TMEM140: variants seen among roughly 807,000 people sequenced by gnomAD.
The protein encoded by TMEM140 is transmembrane protein 140.
For synonymous variants in TMEM140, 107 were observed against 106.8 expected (o/e 1.00, Z -0.01); for missense variants, 236 against 228.5 (o/e 1.03, Z -0.21).
chr7:135,159,177 G>A lies in TMEM140; in HGVS notation c.-24-5241G>A, dbSNP rs921706712. Among the ~76,000 whole-genome samples the A allele has an allele frequency of 1.6e-4, 25 of 152,162 alleles. 1 individual carries two copies. Among genetic ancestry groups the A allele is most frequent in the African/African-American group, 3.9e-4 (16 of 41,430 alleles). On this transcript the variant is annotated intron_variant, in intron 1 of 1. Coordinates refer to ENST00000275767, the MANE Select transcript of TMEM140 (RefSeq NM_018295.5). ...TCTCATGTTTCCCATATCTTTTCTG[G>A]TTTATCCTAGCATTCTCTCCTAGAC...
chr7:135,150,970 G>C (rs908723453), intron 1 of TMEM140, among the ~76,000 whole-genome samples: 1 of 152,148 alleles, frequency 6.6e-6, no homozygotes, highest in African/African-American at 2.4e-5. Context: ...CTGCTAGTGA[G>C]AGCTAATAGT....
chr7:135,153,506 G>A (rs140576532), intron 1 of TMEM140, among the ~76,000 whole-genome samples: 110 of 150,658 alleles, frequency 7.3e-4, no homozygotes, highest in African/African-American at 2.2e-3. Flanking sequence ...AGCAGATGTC[G>A]TCAAGGATGT....
At position 135,161,413 on chromosome 7, in the gene TMEM140, A is replaced by G. The variant is rs1829934624; in HGVS notation, c.-24-3005A>G. On this transcript the variant is annotated intron_variant, in intron 1 of 1. Transcript: ENST00000275767. The surrounding 1 kb of genome is among the most constrained non-coding windows in gnomAD (Gnocchi z 4.1). ...GAGTGTTTAAACAAAGGCATCCCCA[A>G]GTCCCTTCCCAGTTGGTCCTGAACA... Among the ~76,000 whole-genome samples the G allele has an allele frequency of 6.6e-6, 1 of 152,214 alleles. No homozygotes were observed. Among genetic ancestry groups the G allele is most frequent in the South Asian group, 2.1e-4 (1 of 4,830 alleles).
rs1482504471 is a variant in TMEM140, at chr7:135,151,170, A to G, written c.-25+2900A>G. ...ATAATTAAGTAAATCAAAACATCACAGCATTCATTAAAAACTTGGTGGTTG... is the reference window on the plus strand; with the variant it reads ...ATAATTAAGTAAATCAAAACATCACGGCATTCATTAAAAACTTGGTGGTTG... On this transcript the variant is annotated intron_variant, in intron 1 of 1. Transcript: ENST00000275767. This position sits in a 1 kb window ranked among gnomAD's most constrained non-coding sequence, Gnocchi z 4.3. Among the ~76,000 whole-genome samples, 3 of 152,216 alleles carry G rather than the reference A, an allele frequency of 2.0e-5. No homozygotes were observed. The highest frequency in any genetic ancestry group is 4.4e-5 in the Non-Finnish European group (3 of 68,034).
chr7:135,160,766 C>T (rs993321726), intron 1 of TMEM140, among the ~76,000 whole-genome samples: 11 of 151,576 alleles, frequency 7.3e-5, no homozygotes, highest in African/African-American at 2.4e-4. Context: ...AGAGCCCCTA[C>T]TGTGTATCAA....
chr7:135,164,053 C>T (rs937779406), intron 1 of TMEM140, among the ~76,000 whole-genome samples: 3 of 152,232 alleles, frequency 2.0e-5, no homozygotes, highest in South Asian at 2.1e-4. Context: ...TCACCTCAGT[C>T]AAAACCCACC....
At chr7:135,156,775 C>T (rs1057203872) in intron 1 of TMEM140, among the ~76,000 whole-genome samples, 10 of 152,052 alleles carry the variant, frequency 6.6e-5, no homozygotes, top group Non-Finnish European at 1.2e-4. Context: ...ATGATTGTTA[C>T]GGTTTGACTG....
chr7:135,164,854 T>A lies in TMEM140; in HGVS notation c.413T>A (p.Val138Glu). Residue 138 changes from valine (V) to glutamate (E), a missense_variant, in exon 2 of 2, where the codon GTG becomes GAG. Physicochemically the swap from Val to Glu is moderately radical, Grantham distance 121. Transcript: ENST00000275767. Reference protein sequence around the residue: ...AGGLGLFLSYVWKWVRLSLPG... With the variant: ...AGGLGLFLSYEWKWVRLSLPG... ...GGCCTGGGCCTCTTCCTCTCCTATGTGTGGAAGTGGGTCAGGCTCTCCCTC... is the reference window on the plus strand; with the variant it reads ...GGCCTGGGCCTCTTCCTCTCCTATGAGTGGAAGTGGGTCAGGCTCTCCCTC... 9 of 1,613,960 alleles carry A rather than the reference T, an allele frequency of 5.6e-6. No individual in the cohort carries two copies. The highest frequency in any genetic ancestry group is 7.6e-6 in the Non-Finnish European group (9 of 1,179,882).
In TMEM140 at chr7:135,161,426, T is replaced by A. The variant is rs1213573174; in HGVS notation, c.-24-2992T>A. 6.6e-6 allele frequency among the ~76,000 whole-genome samples: 1 copy of A among 152,168 alleles called. No individual in the cohort carries two copies. The highest frequency in any genetic ancestry group is 2.4e-5 in the African/African-American group (1 of 41,432). On this transcript the variant is annotated intron_variant, in intron 1 of 1. Transcript: ENST00000275767. This position sits in a 1 kb window ranked among gnomAD's most constrained non-coding sequence, Gnocchi z 4.1. Reference sequence around the variant, plus strand: ...AAGGCATCCCCAAGTCCCTTCCCAGTTGGTCCTGAACAATGGAGGAGGTCA... The same window carrying A: ...AAGGCATCCCCAAGTCCCTTCCCAGATGGTCCTGAACAATGGAGGAGGTCA...
chr7:135,156,290 T>C (rs1286639503), intron 1 of TMEM140, among the ~76,000 whole-genome samples: 1 of 152,228 alleles, frequency 6.6e-6, no homozygotes, highest in Non-Finnish European at 1.5e-5. Context: ...TTTCTTTAAA[T>C]ATGTTTTCTA....
chr7:135,157,818 C>G (rs547323129), intron 1 of TMEM140, among the ~76,000 whole-genome samples: 5 of 152,294 alleles, frequency 3.3e-5, no homozygotes, highest in Non-Finnish European at 7.4e-5. Context: ...CCTTTCCTAC[C>G]AGGGTGGCAG....
intron 1 of TMEM140, among the ~76,000 whole-genome samples, chr7:135,149,951 G>GTTGT (rs1354166917): frequency 6.6e-6 from 1 of 152,116 alleles, no homozygotes; most frequent in Non-Finnish European, 1.5e-5. Flanking sequence ...TTATATTTAT[G>GTTGT]TTGTTTTTGG....
intron 1 of TMEM140, chr7:135,152,911 T>A (rs1262437228): frequency 1.3e-5 from 2 of 152,134 alleles, no homozygotes; most frequent in African/African-American, 4.8e-5. Flanking sequence ...TGGTGCCCGA[T>A]GGGGAAGGGG....
chr7:135,164,576 G>A lies in TMEM140; in HGVS notation c.135G>A (p.Leu45=), dbSNP rs1229472300. The change falls in exon 2 of 2, where the codon CTG becomes CTA. Residue 45 remains leucine, a synonymous_variant. Coordinates refer to ENST00000275767, the MANE Select transcript of TMEM140 (RefSeq NM_018295.5). ...GCAACCTCACTGACCTGCCCAACCT[G>A]AGAATCGGCTTCTATAACTTCTGCC... The part of the protein sequence containing the change: ...EAGNLTDLPN[L]RIGFYNFCLW... 4 of 1,614,130 alleles carry A rather than the reference G, an allele frequency of 2.5e-6. No individual in the cohort carries two copies. In the Admixed American group the frequency reaches 6.7e-5, roughly 27 times the overall value.
intron 1 of TMEM140, among the ~76,000 whole-genome samples, chr7:135,162,503 A>G (rs1208356112): frequency 6.6e-6 from 1 of 152,260 alleles, no homozygotes; most frequent in Non-Finnish European, 1.5e-5. Context: ...ATAGTTCCAC[A>G]TGGTTAGGGA....
chr7:135,152,990 A>T (rs535098157), intron 1 of TMEM140: 1 of 152,244 alleles, frequency 6.6e-6, no homozygotes, highest in Non-Finnish European at 1.5e-5. Context: ...ACTCAACAAG[A>T]AAAAACAATC....
rs1002981680 is a variant in TMEM140 at position 135,161,070 on chromosome 7, C to T, written c.-24-3348C>T. On this transcript the variant is annotated intron_variant, in intron 1 of 1. Coordinates refer to ENST00000275767, the MANE Select transcript of TMEM140 (RefSeq NM_018295.5). This position sits in a 1 kb window ranked among gnomAD's most constrained non-coding sequence, Gnocchi z 4.1. ...AGAATTCCAAGTTCAAGTTCCAAGT[C>T]GCACCAGATGATGGCGAGCCTCATA... 1.3e-5 allele frequency among the ~76,000 whole-genome samples: 2 copies of T among 152,166 alleles called. No individual in the cohort carries two copies. Among genetic ancestry groups the T allele is most frequent in the African/African-American group, 4.8e-5 (2 of 41,434 alleles).
chr7:135,155,462 T>C (rs1230275071), intron 1 of TMEM140, among the ~76,000 whole-genome samples: 2 of 152,272 alleles, frequency 1.3e-5, no homozygotes, highest in Non-Finnish European at 2.9e-5. Flanking sequence ...ATTTGATTCC[T>C]TTCTCTTCCT....
Position 135,165,039 on chromosome 7 carries a change from C to A in TMEM140, c.*40C>A. 2 of 1,522,218 alleles carry A rather than the reference C, an allele frequency of 1.3e-6. No individual in the cohort carries two copies. Among genetic ancestry groups the A allele is most frequent in the South Asian group, 2.6e-5 (2 of 76,890 alleles). The allele number at this position is 1,522,218 out of a possible 1,614,324, so 94.3% of individuals were successfully genotyped here. On this transcript the variant is annotated 3_prime_UTR_variant, in exon 2 of 2. Coordinates refer to ENST00000275767, the MANE Select transcript of TMEM140 (RefSeq NM_018295.5). The stretch of plus-strand genomic sequence containing the variant: ...GCAAGGGTTCAGTTCCAACCATGGT[C>A]AGAGGTGGCACATCTGCTCAGCCAT...
Sources: allele counts gnomAD v4.1 joint callset (sites outside exome capture counted in the v4.1 genomes callset), GRCh38; gene constraint gnomAD v4.1.1; non-coding constraint Gnocchi (gnomAD v3.1); transcripts MANE v1.5; gene names NCBI Gene and HGNC (gene_info 2026-07-23, HGNC 2026-07-21).